Variants in DNAH11 observed in about 807,000 individuals in gnomAD.
The protein encoded by DNAH11 is axonemal beta dynein heavy chain 11.
Under a neutral mutation model 526.0 loss-of-function variants are expected in DNAH11, and 442 were observed. The ratio of observed to expected loss-of-function variants is 0.84; its 90% confidence interval spans 0.78 to 0.91. The LOEUF (loss-of-function observed/expected upper bound fraction) is 0.91, where lower values mean the gene tolerates loss of function less well. Among genes scored for constraint, DNAH11 ranks in the 40% least tolerant of loss-of-function variants. The pLI is 0.00. For synonymous variants in DNAH11, 2,461 were observed against 1,935.9 expected (o/e 1.27, Z -7.12); for missense variants, 6,989 against 5,448.7 (o/e 1.28, Z -8.90).
chr7:21,857,260 A>G (rs1395495180), intron 68 of DNAH11, among the ~76,000 whole-genome samples: 1 of 152,202 alleles, frequency 6.6e-6, no homozygotes, highest in Admixed American at 6.5e-5. Context: ...AATTTTAATA[A>G]AATATATGCA....
At chr7:21,744,081 TA>T (rs77180960) in intron 49 of DNAH11, among the ~76,000 whole-genome samples, 7,630 of 152,022 alleles carry the variant, frequency 0.05, 350 homozygotes, top group East Asian at 0.27. Flanking sequence ...GATTTTATAG[TA>T]AAAAAAATAT....
chr7:21,704,656 A>G, intron 38 of DNAH11, 28 bp downstream of exon 38: 1 of 1,579,144 alleles, frequency 6.3e-7, no homozygotes, highest in South Asian at 1.2e-5. Flanking sequence ...TTTTCATGGC[A>G]GCTGTTGGGA....
chr7:21,624,123 G>C (rs1230445977), intron 25 of DNAH11, among the ~76,000 whole-genome samples: 1 of 151,988 alleles, frequency 6.6e-6, no homozygotes, highest in Non-Finnish European at 1.5e-5. Context: ...CATGAGCTTT[G>C]AGACACAATA....
At chr7:21,558,025 A>G (rs2128430414) in intron 2 of DNAH11, among the ~76,000 whole-genome samples, 1 of 152,340 alleles carries the variant, frequency 6.6e-6, no homozygotes, top group Non-Finnish European at 1.5e-5. Context: ...TAACTAGAAG[A>G]TTGTATTGTC....
intron 8 of DNAH11, among the ~76,000 whole-genome samples, chr7:21,575,420 G>T (rs570780393): frequency 6.6e-6 from 1 of 152,160 alleles, no homozygotes; most frequent in Admixed American, 6.5e-5. Flanking sequence ...TAGTTCATCT[G>T]TACTAGGTTG....
At chr7:21,551,586 G>A (rs969582110) in intron 2 of DNAH11, among the ~76,000 whole-genome samples, 7 of 152,158 alleles carry the variant, frequency 4.6e-5, no homozygotes, top group African/African-American at 1.4e-4. Context: ...ACAGGTTTGG[G>A]CTGACCAGCT....
At chr7:21,873,656 T>C (rs1463733526) in intron 74 of DNAH11, among the ~76,000 whole-genome samples, 155 bp downstream of exon 74, 1 of 152,116 alleles carries the variant, frequency 6.6e-6, no homozygotes, top group Non-Finnish European at 1.5e-5. Context: ...TTTTAATCTC[T>C]TGAAAGAATT....
At chr7:21,839,776 G>A (rs1782135610) in intron 65 of DNAH11, among the ~76,000 whole-genome samples, 1 of 152,092 alleles carries the variant, frequency 6.6e-6, no homozygotes, top group Non-Finnish European at 1.5e-5. Flanking sequence ...GGCTTATCTG[G>A]CAGAATTTTT....
chr7:21,663,646 G>A (rs1403364598), intron 30 of DNAH11, among the ~76,000 whole-genome samples: 2 of 151,704 alleles, frequency 1.3e-5, no homozygotes, highest in East Asian at 3.9e-4. Context: ...CATGGAGTTT[G>A]ACATTTTTAT....
chr7:21,750,474 A>G, intron 54 of DNAH11, 110 bp downstream of exon 54: 1 of 1,418,090 alleles, frequency 7.1e-7, no homozygotes, highest in Non-Finnish European at 9.6e-7. Context: ...TGCATTTTGA[A>G]AGGACGTGTG....
chr7:21,754,519 C>G (rs1025029867), intron 54 of DNAH11, among the ~76,000 whole-genome samples: 9 of 151,942 alleles, frequency 5.9e-5, no homozygotes, highest in African/African-American at 9.7e-5. Context: ...TTTTATTTAA[C>G]TCAATACAAG....
chr7:21,698,793 T>G (rs1783951701), intron 36 of DNAH11, among the ~76,000 whole-genome samples: 1 of 152,212 alleles, frequency 6.6e-6, no homozygotes, highest in South Asian at 2.1e-4. Context: ...TCAAGTGTCT[T>G]TTTCATATAA....
At chr7:21,655,703 T>C (rs981384026) in intron 28 of DNAH11, 129 bp from the exon 29 acceptor site, 11 of 967,872 alleles carry the variant, frequency 1.1e-5, no homozygotes, top group Non-Finnish European at 1.5e-5. Flanking sequence ...ACTTTTATTT[T>C]GAGGGAAAAC....
rs186380681 is a variant in DNAH11 at position 21,811,317 on chromosome 7, G to A, written c.10332+3268G>A. ...CCCCCCTACTAAAAATTAGCCAGGC[G>A]TGGTGGTGGGTGCCTGTAATCCAGG... On this transcript the variant is annotated intron_variant, in intron 63 of 81. Coordinates refer to ENST00000409508, the MANE Select transcript of DNAH11 (RefSeq NM_001277115.2). Among the ~76,000 whole-genome samples, 8 of 152,026 alleles carry A rather than the reference G, an allele frequency of 5.3e-5. No individual in the cohort carries two copies. The East Asian group carries it at 1.4e-3, about 26-fold the overall frequency.
chr7:21,899,898 G>C, intron 80 of DNAH11, 82 bp from the exon 81 acceptor site: 11 of 1,528,150 alleles, frequency 7.2e-6, no homozygotes, highest in Non-Finnish European at 9.7e-6. Flanking sequence ...TGGGACTAAA[G>C]GATGCCTCAA....
intron 55 of DNAH11, among the ~76,000 whole-genome samples, chr7:21,771,773 G>GA (rs1174104839): frequency 6.6e-6 from 1 of 151,988 alleles, no homozygotes; most frequent in African/African-American, 2.4e-5. Context: ...CTCTCAAAGT[G>GA]AAAAATACAG....
rs759593113 is a variant in DNAH11, at chr7:21,773,904, T to G, written c.9241T>G (p.Phe3081Val). The stretch of plus-strand genomic sequence containing the variant: ...GAGTTTTCTAGAACAAATATCACTG[T>G]TTAAGAACCTGTTGAAGAAGAAGCA... ...PKSFLEQISL[F>V]KNLLKKKQNE... Residue 3081 changes from phenylalanine to valine, a missense_variant, in exon 56 of 82, where the codon TTT (phenylalanine) becomes GTT (valine). By Grantham distance (50) the Phe-to-Val change is conservative. Coordinates refer to ENST00000409508, the MANE Select transcript of DNAH11 (RefSeq NM_001277115.2). The G allele has an allele frequency of 2.5e-6, 4 of 1,602,240 alleles. No homozygotes were observed. The Admixed American group carries it at 6.9e-5, about 28-fold the overall frequency.
chr7:21,901,232 T>TGGCTCTGCTTCTAGAAGCG lies in DNAH11; in HGVS notation c.13530_13548dup (p.Ter4517GlyfsTer9). ...ACTGCAAAATGGGTTCTGGCTGGAG[T>TGGCTCTGCTTCTAGAAGCG]GGCTCTGCTTCTAGAAGCGTAAGGT... On this transcript the variant is annotated frameshift_variant, in exon 82 of 82. Transcript: ENST00000409508. LOFTEE classifies it high-confidence loss of function. 6.2e-7 allele frequency: 1 copy of TGGCTCTGCTTCTAGAAGCG among 1,608,794 alleles called. No homozygotes were observed. Among genetic ancestry groups the TGGCTCTGCTTCTAGAAGCG allele is most frequent in the Non-Finnish European group, 8.5e-7 (1 of 1,177,490 alleles).
At chr7:21,828,610 G>A (rs749753920) in intron 65 of DNAH11, among the ~76,000 whole-genome samples, 1 of 152,060 alleles carries the variant, frequency 6.6e-6, no homozygotes, top group Non-Finnish European at 1.5e-5. Flanking sequence ...TTTTTAAAAA[G>A]CAGTCTTCCA....
Sources: allele counts gnomAD v4.1 joint callset (sites outside exome capture counted in the v4.1 genomes callset), GRCh38; gene constraint gnomAD v4.1.1; transcripts MANE v1.5; gene names NCBI Gene and HGNC (gene_info 2026-07-23, HGNC 2026-07-21).